IFT172: variants seen among roughly 807,000 people sequenced by gnomAD.
IFT172 encodes the protein intraflagellar transport protein 172 homolog.
A neutral mutation model predicts 248.9 loss-of-function variants in IFT172; 164 were observed. That is an observed-to-expected ratio of 0.66 (90% CI 0.58 to 0.75). The LOEUF (loss-of-function observed/expected upper bound fraction) is 0.75. IFT172 is among the 30% of genes least tolerant of loss of function. The pLI is 0.00. For synonymous variants in IFT172, 729 were observed against 791.6 expected (o/e 0.92, Z 1.33); for missense variants, 1,950 against 2,192.4 (o/e 0.89, Z 2.21).
At chr2:27,450,854 A>C (rs1251774737) in intron 35 of IFT172, among the ~76,000 whole-genome samples, 1 of 152,068 alleles carries the variant, frequency 6.6e-6, no homozygotes, top group Non-Finnish European at 1.5e-5. Context: ...GGCCTCCCAA[A>C]GTTCTGGGAT....
rs753148920 is a variant in IFT172, at chr2:27,465,536, CA to C, written c.1830-19del. ...CTGTTGCCCTGGAAAGGGAAGGAAG[CA>C]AAGCATAATGAATGAGGAATGGGTT... On this transcript the variant is annotated intron_variant, in intron 17 of 47. Coordinates refer to ENST00000260570, the MANE Select transcript of IFT172 (RefSeq NM_015662.3). 2 of 1,610,892 alleles carry C rather than the reference CA, an allele frequency of 1.2e-6. No homozygotes were observed. Among genetic ancestry groups the C allele is most frequent in the African/African-American group, 2.7e-5 (2 of 74,910 alleles).
chr2:27,464,873 C>T (rs1027233132), intron 18 of IFT172, among the ~76,000 whole-genome samples: 8 of 152,030 alleles, frequency 5.3e-5, no homozygotes, highest in African/African-American at 1.9e-4. Flanking sequence ...CCACCTCGCC[C>T]TCCCAAAGTG....
In IFT172 at chr2:27,485,386, A is replaced by T. The variant is rs776310391; in HGVS notation, c.157T>A (p.Phe53Ile). 1.2e-6 allele frequency: 2 copies of T among 1,614,126 alleles called. No homozygotes were observed. Among genetic ancestry groups the T allele is most frequent in the Non-Finnish European group, 1.7e-6 (2 of 1,180,030 alleles). Residue 53 changes from phenylalanine (F) to isoleucine (I), a missense_variant, in exon 2 of 48, where the codon TTC (phenylalanine) becomes ATC (isoleucine). This residue lies in a region of IFT172 where 1,166 missense variants were observed against 1,254.1 expected (regional missense o/e 0.93). Transcript: ENST00000260570. Reference protein sequence around the residue: ...YDEHGERRDKFSTKPADMKYG... With the variant: ...YDEHGERRDKISTKPADMKYG... ...TTCATGTCAGCTGGTTTGGTGGAGA[A>T]TTTATCTCTCCGTTCTCCATGTTCA... is the stretch of plus-strand genomic sequence containing the variant.
chr2:27,468,901 C>T (rs1325661754), intron 16 of IFT172, among the ~76,000 whole-genome samples: 1 of 149,862 alleles, frequency 6.7e-6, no homozygotes, highest in Admixed American at 6.6e-5. Flanking sequence ...AGACAGATCA[C>T]CTGTACAGAA....
intron 25 of IFT172, 63 bp from the exon 26 acceptor site, chr2:27,458,931 G>A: frequency 6.4e-7 from 1 of 1,568,056 alleles, no homozygotes; most frequent in Non-Finnish European, 8.7e-7. Context: ...GCTTGAATGA[G>A]GAAAGAACAA....
At chr2:27,483,839 C>A (rs1018333466) in intron 5 of IFT172, 33 bp downstream of exon 5, 1 of 1,555,134 alleles carries the variant, frequency 6.4e-7, no homozygotes, top group Non-Finnish European at 8.9e-7. Context: ...ATCCCTACCA[C>A]CCCCTCTCTT....
In IFT172 at chr2:27,444,432, C is replaced by A; in HGVS notation, c.5250G>T (p.Ter1750TyrextTer8). 1 of 1,605,362 alleles carries A rather than the reference C, an allele frequency of 6.2e-7. No individual in the cohort carries two copies. The highest frequency in any genetic ancestry group is 8.5e-7 in the Non-Finnish European group (1 of 1,172,844). The change falls in exon 48 of 48, where the codon TAG (stop) becomes TAT (tyrosine). Residue 1750 changes from the stop codon to tyrosine, a stop_lost. Transcript: ENST00000260570. ...GLPSTSFSFQ[*>Y] ...CCTAACTCTTCCTCAGCTCTACCAA[C>A]TACTGAAAGGAAAAGCTGGTGCTGG...
intron 35 of IFT172, among the ~76,000 whole-genome samples, 156 bp from the exon 36 acceptor site, chr2:27,450,252 T>A (rs1328502074): frequency 6.6e-6 from 1 of 152,236 alleles, no homozygotes; most frequent in Admixed American, 6.5e-5. Flanking sequence ...ACCTGGCTCA[T>A]GGTCCATTAG....
At position 27,472,617 on chromosome 2, in the gene IFT172, G is replaced by A. The variant is rs145761128; in HGVS notation, c.1412-255C>T. On this transcript the variant is annotated intron_variant, in intron 14 of 47. Transcript: ENST00000260570. ...CTTCTCCTACTCACAGAATCCCCTC[G>A]AAGGCAGCACTGAGCACATTAAAGA... is the stretch of plus-strand genomic sequence containing the variant. Among the ~76,000 whole-genome samples the A allele has an allele frequency of 1.0e-3, 153 of 152,208 alleles. 1 individual carries two copies. The highest frequency in any genetic ancestry group is 1.4e-3 in the Non-Finnish European group (93 of 68,010).
Position 27,449,287 on chromosome 2 carries a change from G to C in IFT172, c.4311+7C>G, listed in dbSNP as rs1665439666. 1 of 1,614,112 alleles carries C rather than the reference G, an allele frequency of 6.2e-7. No homozygotes were observed. Among genetic ancestry groups the C allele is most frequent in the African/African-American group, 1.3e-5 (1 of 75,044 alleles). On this transcript the variant is annotated splice_region_variant and intron_variant, in intron 39 of 47. Transcript: ENST00000260570. ...AAGAAAAACTGGGAATGGGAAGAGA[G>C]CAGTACCTGCTTGGTAGCTGTTTCA... is the stretch of plus-strand genomic sequence containing the variant.
Position 27,454,153 on chromosome 2 carries a change from A to G in IFT172, c.3540T>C (p.His1180=). 1 of 1,612,380 alleles carries G rather than the reference A, an allele frequency of 6.2e-7. No individual in the cohort carries two copies. The highest frequency in any genetic ancestry group is 8.5e-7 in the Non-Finnish European group (1 of 1,179,090). The change falls in exon 33 of 48, where the codon CAT becomes CAC. Residue 1180 remains histidine, a synonymous_variant. Transcript: ENST00000260570. This position sits in a 1 kb window ranked among gnomAD's most constrained non-coding sequence, Gnocchi z 4.2. ...KPKEAVLMFV[H]NQDWEAAQRV... ...GCTGAGCTGCCTCCCAATCCTGGTT[A>G]TGGACAAACCTGCCTCCAGGTGGGG...
In IFT172 at chr2:27,459,455, C is replaced by A; in HGVS notation, c.2710G>T (p.Asp904Tyr). ...RQWKKAIYIL[D>Y]LQDRNTASKY... ...GATGCAGTGTTCCGGTCCTGTAGATCTAATATATAAATTGCCTTCTTCCAC... is the reference window on the plus strand; with the variant it reads ...GATGCAGTGTTCCGGTCCTGTAGATATAATATATAAATTGCCTTCTTCCAC... Residue 904 changes from aspartate to tyrosine, a missense_variant, in exon 25 of 48, where the codon GAT becomes TAT. Physicochemically the swap from Asp to Tyr is radical, Grantham distance 160. Transcript: ENST00000260570. The A allele has an allele frequency of 6.2e-7, 1 of 1,614,176 alleles. No homozygotes were observed. The highest frequency in any genetic ancestry group is 8.5e-7 in the Non-Finnish European group (1 of 1,180,042).
chr2:27,465,792 C>A lies in IFT172; in HGVS notation c.1783G>T (p.Gly595Cys), dbSNP rs1317689933. Residue 595 changes from glycine to cysteine, a missense_variant, in exon 17 of 48, where the codon GGC becomes TGC. This residue lies in a region of IFT172 where 1,166 missense variants were observed against 1,254.1 expected (regional missense o/e 0.93). Coordinates refer to ENST00000260570, the MANE Select transcript of IFT172 (RefSeq NM_015662.3). Reference sequence around the variant, plus strand: ...ATGGCTGTTCCAAACTCGATGAGGCCCTCATCCAATGTGTAGGCAACAGTA... The same window carrying A: ...ATGGCTGTTCCAAACTCGATGAGGCACTCATCCAATGTGTAGGCAACAGTA... ...VTTVAYTLDE[G>C]LIEFGTAIDD... 1.2e-6 allele frequency: 2 copies of A among 1,614,092 alleles called. No homozygotes were observed. Among genetic ancestry groups the A allele is most frequent in the South Asian group, 2.2e-5 (2 of 91,062 alleles).
intron 14 of IFT172, among the ~76,000 whole-genome samples, chr2:27,476,006 T>C (rs1467650986): frequency 6.6e-6 from 1 of 152,008 alleles, no homozygotes; most frequent in Non-Finnish European, 1.5e-5. Flanking sequence ...TTGAAACATT[T>C]CACGATAAAA....
intron 15 of IFT172, chr2:27,471,566 G>A (rs748682246): frequency 9.7e-5 from 16 of 164,656 alleles, no homozygotes; most frequent in Non-Finnish European, 1.9e-4. Flanking sequence ...TATCAGATAA[G>A]TGTGGCTGAA....
Position 27,479,491 on chromosome 2 carries a change from G to A in IFT172, c.1005+18C>T, listed in dbSNP as rs1253782835. ...AGCCACGCAAGTTCTCAGTGCAGTAGGCTACCATCCTGCTTACCTGGCTAG... is the reference window on the plus strand; with the variant it reads ...AGCCACGCAAGTTCTCAGTGCAGTAAGCTACCATCCTGCTTACCTGGCTAG... On this transcript the variant is annotated intron_variant, in intron 10 of 47. Coordinates refer to ENST00000260570, the MANE Select transcript of IFT172 (RefSeq NM_015662.3). 7.0e-7 allele frequency: 1 copy of A among 1,432,000 alleles called. No individual in the cohort carries two copies. The highest frequency in any genetic ancestry group is 1.7e-5 in the Admixed American group (1 of 59,766). The allele number at this position is 1,432,000 out of a possible 1,614,324, so 88.7% of individuals were successfully genotyped here.
At chr2:27,479,892 C>T in intron 9 of IFT172, 134 bp downstream of exon 9, 1 of 1,276,848 alleles carries the variant, frequency 7.8e-7, no homozygotes, top group Non-Finnish European at 1.1e-6. Context: ...GCCTTTAATG[C>T]CAGAATTTTA....
chr2:27,444,591 G>A, intron 47 of IFT172, 70 bp from the exon 48 acceptor site: 1 of 1,205,388 alleles, frequency 8.3e-7, no homozygotes, highest in Non-Finnish European at 1.2e-6. Flanking sequence ...TCCATCGCAG[G>A]CTTCAGGGTC....
At chr2:27,485,564 C>T in intron 1 of IFT172, 61 bp from the exon 2 acceptor site, 1 of 1,585,750 alleles carries the variant, frequency 6.3e-7, no homozygotes. Flanking sequence ...AAAAGCATTT[C>T]TAGCTTCATT....
Sources: gnomAD v4.1 joint callset for allele counts (sites outside exome capture counted in the v4.1 genomes callset) on GRCh38, gnomAD v4.1.1 for gene constraint, gnomAD v4.1.1 regional missense constraint, Gnocchi (gnomAD v3.1) non-coding constraint, MANE v1.5 for transcripts, NCBI Gene and HGNC (gene_info 2026-07-23, HGNC 2026-07-21) for gene names.